USP3: variants seen among roughly 807,000 people sequenced by gnomAD.
USP3 encodes ubiquitin specific peptidase 3.
A neutral mutation model predicts 72.3 loss-of-function variants in USP3; 20 were observed. The observed-to-expected ratio is 0.28, with a 90% CI of 0.19 to 0.40. The LOEUF is 0.40. Ranked by LOEUF, USP3 falls within the 10% of genes least tolerant of loss-of-function variation. The pLI is 1.00. For synonymous variants in USP3, 222 were observed against 225.3 expected, an observed-to-expected ratio of 0.99 and a Z score of 0.13; for missense variants, 479 against 633.9, an observed-to-expected ratio of 0.76 and a Z score of 2.62.
At chr15:63,510,329 G>T (rs181414783) in intron 1 of USP3, among the ~76,000 whole-genome samples, 2 of 151,592 alleles carry the variant, frequency 1.3e-5, no homozygotes, top group African/African-American at 2.4e-5. Flanking sequence ...TAACCTGCTC[G>T]TTTTTTTTCT....
Position 63,570,393 on chromosome 15 carries a change from C to T in USP3, c.762-40C>T, listed in dbSNP as rs1049175616. 6.2e-7 allele frequency: 1 copy of T among 1,611,826 alleles called. No individual in the cohort carries two copies. The highest frequency in any genetic ancestry group is 1.3e-5 in the African/African-American group (1 of 74,818). On this transcript the variant is annotated intron_variant, in intron 8 of 14. Transcript: ENST00000380324. This position sits in a 1 kb window ranked among gnomAD's most constrained non-coding sequence, Gnocchi z 4.4. ...GCTGGTGTGGCTGGGCACAAAGAGC[C>T]CTCCACCCGGCCTTATAAGTGACTG...
chr15:63,510,325 G>T (rs1268841601), intron 1 of USP3, among the ~76,000 whole-genome samples: 1 of 151,910 alleles, frequency 6.6e-6, no homozygotes, highest in Non-Finnish European at 1.5e-5. Flanking sequence ...AACCTAACCT[G>T]CTCGTTTTTT....
At chr15:63,515,821 T>G (rs2065843179) in intron 1 of USP3, among the ~76,000 whole-genome samples, 1 of 152,234 alleles carries the variant, frequency 6.6e-6, no homozygotes, top group African/African-American at 2.4e-5. Flanking sequence ...ATCAAAGGGC[T>G]TAAAATAGAA....
At chr15:63,552,854 GTTA>G (rs148980400) in intron 3 of USP3, among the ~76,000 whole-genome samples, 69 of 152,190 alleles carry the variant, frequency 4.5e-4, no homozygotes, top group African/African-American at 1.6e-3. Flanking sequence ...GAATGGCAGT[GTTA>G]TTTTTATTAT....
intron 11 of USP3, among the ~76,000 whole-genome samples, chr15:63,583,116 G>C (rs984073195): frequency 3.9e-5 from 6 of 152,122 alleles, no homozygotes; most frequent in South Asian, 4.1e-4. Flanking sequence ...AAATATAGGG[G>C]GGGGAAAAAG....
At chr15:63,509,286 A>G (rs1357096027) in intron 1 of USP3, among the ~76,000 whole-genome samples, 1 of 152,208 alleles carries the variant, frequency 6.6e-6, no homozygotes, top group Non-Finnish European at 1.5e-5. Context: ...TACTTAATAG[A>G]GCAATTAGTA....
chr15:63,549,628 T>C (rs892399313), intron 3 of USP3, among the ~76,000 whole-genome samples: 1 of 152,322 alleles, frequency 6.6e-6, no homozygotes, highest in Admixed American at 6.5e-5. Context: ...GATCATTGAT[T>C]TGTATTATAA....
chr15:63,555,762 C>G (rs1389274282), intron 4 of USP3, among the ~76,000 whole-genome samples: 1 of 152,132 alleles, frequency 6.6e-6, no homozygotes, highest in Non-Finnish European at 1.5e-5. Flanking sequence ...GCTACCAGTA[C>G]TGTAAGAGAG....
chr15:63,504,977 T>A, intron 1 of USP3, 147 bp downstream of exon 1: 1 of 458,366 alleles, frequency 2.2e-6, no homozygotes, highest in African/African-American at 2.1e-5. Context: ...GGGTACGCGA[T>A]GAGGCGGGCG....
rs372474619 is a variant in USP3 at position 63,504,718 on chromosome 15, C to T, written c.-22C>T. On this transcript the variant is annotated 5_prime_UTR_variant, in exon 1 of 15. Coordinates refer to ENST00000380324, the MANE Select transcript of USP3 (RefSeq NM_006537.4). ...CGCCGGGTCCTGGAGCCGCAGTCCT[C>T]CCAGCTGCCCTCCTCGTGGCCATGG... is the stretch of plus-strand genomic sequence containing the variant. 4 of 1,589,644 alleles carry T rather than the reference C, an allele frequency of 2.5e-6. No homozygotes were observed. The highest frequency in any genetic ancestry group is 2.3e-5 in the East Asian group (1 of 43,002).
At chr15:63,560,364 C>T (rs909623529) in intron 7 of USP3, among the ~76,000 whole-genome samples, 18 of 149,548 alleles carry the variant, frequency 1.2e-4, no homozygotes, top group African/African-American at 3.9e-4. Context: ...TGCGGTGAGC[C>T]GAGATCGCGC....
Position 63,574,483 on chromosome 15 carries a change from C to A in USP3, c.1096+80C>A. ...GATAAGCTTCATCTATATGTGGTAT[C>A]TTTAATTAATATCTTTAATGAATCT... On this transcript the variant is annotated intron_variant, in intron 11 of 14. Transcript: ENST00000380324. The surrounding 1 kb of genome is among the most constrained non-coding windows in gnomAD (Gnocchi z 4.6). 5 of 1,060,556 alleles carry A rather than the reference C, an allele frequency of 4.7e-6. No homozygotes were observed. The highest frequency in any genetic ancestry group is 2.9e-5 in the Admixed American group (1 of 34,106). The allele number at this position is 1,060,556 out of a possible 1,614,324, so 65.7% of individuals were successfully genotyped here.
At chr15:63,580,674 T>TATATATATATA (rs1566917047) in intron 11 of USP3, among the ~76,000 whole-genome samples, 8 of 131,082 alleles carry the variant, frequency 6.1e-5, no homozygotes, top group African/African-American at 1.2e-4. Context: ...TATATATGAA[T>TATATATATATA]ATATAATATA....
chr15:63,524,398 T>C (rs2065953818), intron 1 of USP3, among the ~76,000 whole-genome samples: 1 of 152,200 alleles, frequency 6.6e-6, no homozygotes, highest in South Asian at 2.1e-4. Context: ...CTGATACTGC[T>C]CCCTCTGTTA....
chr15:63,573,284 C>A (rs1025437312), intron 9 of USP3, among the ~76,000 whole-genome samples: 1 of 151,938 alleles, frequency 6.6e-6, no homozygotes, highest in Non-Finnish European at 1.5e-5. Flanking sequence ...ACAACTCTCT[C>A]ATCTACACAC....
intron 3 of USP3, among the ~76,000 whole-genome samples, chr15:63,543,543 A>C (rs1050576843): frequency 6.6e-6 from 1 of 152,196 alleles, no homozygotes; most frequent in Admixed American, 6.5e-5. Flanking sequence ...AGACTCCTAA[A>C]TCAGTTTCAC....
At chr15:63,536,833 A>G (rs1216543052) in intron 2 of USP3, among the ~76,000 whole-genome samples, 192 bp from the exon 3 acceptor site, 2 of 152,074 alleles carry the variant, frequency 1.3e-5, no homozygotes, top group Non-Finnish European at 2.9e-5. Context: ...CAGCCTGGGC[A>G]ACAGAGCGAG....
At chr15:63,554,829 T>C (rs545379387) in intron 4 of USP3, among the ~76,000 whole-genome samples, 9 of 152,362 alleles carry the variant, frequency 5.9e-5, no homozygotes, top group African/African-American at 1.7e-4. Flanking sequence ...CAGGTTTAAG[T>C]ACTTCTTGGT....
intron 14 of USP3, among the ~76,000 whole-genome samples, chr15:63,590,278 A>G (rs957619332): frequency 1.3e-5 from 2 of 152,198 alleles, no homozygotes; most frequent in African/African-American, 4.8e-5. Flanking sequence ...TGGGTGGGTC[A>G]TGCTGATAGG....
Sources: gnomAD v4.1 joint callset for allele counts (sites outside exome capture counted in the v4.1 genomes callset) on GRCh38, gnomAD v4.1.1 for gene constraint, Gnocchi (gnomAD v3.1) non-coding constraint, MANE v1.5 for transcripts, NCBI Gene and HGNC (gene_info 2026-07-23, HGNC 2026-07-21) for gene names.